The following AGAP1 variants were observed in gnomAD, a reference collection of about 807,000 sequenced individuals.
AGAP1 encodes ArfGAP with GTPase domain, ankyrin repeat and PH domain 1.
Under a neutral mutation model 105.3 loss-of-function variants are expected in AGAP1, and 29 were observed. That is an observed-to-expected ratio of 0.28 (90% CI 0.21 to 0.38). The LOEUF (loss-of-function observed/expected upper bound fraction) is 0.38, where lower values mean the gene tolerates loss of function less well. Ranked by LOEUF, AGAP1 falls within the 10% of genes least tolerant of loss-of-function variation. AGAP1 has a pLI of 1.00. For synonymous variants in AGAP1, 509 were observed against 485.9 expected (o/e 1.05, Z -0.63); for missense variants, 998 against 1,165.1 (o/e 0.86, Z 2.09).
Position 236,040,656 on chromosome 2 carries a change from C to A in AGAP1, c.1801-95C>A. 1.8e-6 allele frequency: 2 copies of A among 1,121,294 alleles called. No homozygotes were observed. The highest frequency in any genetic ancestry group is 2.0e-5 in the Admixed American group (1 of 49,876). 69.5% of individuals were successfully genotyped at this position (1,121,294 alleles called of 1,614,324 possible). A position where few individuals can be genotyped will look rare whatever the true frequency, so the allele number is the denominator to read the frequency against. ...AGAAATTACCCTCGTCCTACATTTG[C>A]TCCCAATCTGTTTGATCTTTCCCTG... On this transcript the variant is annotated intron_variant, in intron 14 of 17. Coordinates refer to ENST00000304032, the MANE Select transcript of AGAP1 (RefSeq NM_001037131.3). This position sits in a 1 kb window ranked among gnomAD's most constrained non-coding sequence, Gnocchi z 5.6.
rs561294585 is a variant in AGAP1, at chr2:235,900,410, C to T, written c.1156-8328C>T. Among the ~76,000 whole-genome samples the T allele has an allele frequency of 2.8e-5, 4 of 142,572 alleles. No homozygotes were observed. In the East Asian group the frequency reaches 8.5e-4, roughly 30 times the overall value. The allele number at this position is 142,572 out of a possible 152,430, so 93.5% of individuals were successfully genotyped here. ...GTTGTGTCTCGGTGGCAGCATTTCT[C>T]CCTCTGGAACTAAGACCCCTAGGCC... On this transcript the variant is annotated intron_variant, in intron 10 of 17. Coordinates refer to ENST00000304032, the MANE Select transcript of AGAP1 (RefSeq NM_001037131.3). The surrounding 1 kb of genome is among the most constrained non-coding windows in gnomAD (Gnocchi z 5.5).
chr2:235,526,636 A>C (rs1942849605), intron 1 of AGAP1, among the ~76,000 whole-genome samples: 1 of 150,184 alleles, frequency 6.7e-6, no homozygotes, highest in Non-Finnish European at 1.5e-5. Flanking sequence ...AAAATTAAAA[A>C]AAGTTTTTAC....
intron 16 of AGAP1, among the ~76,000 whole-genome samples, chr2:236,069,674 T>C (rs531668129): frequency 1.3e-5 from 2 of 152,302 alleles, no homozygotes; most frequent in East Asian, 3.9e-4. Context: ...TCTGCCCACC[T>C]CAGCCTCCCA....
At position 235,729,870 on chromosome 2, in the gene AGAP1, T is replaced by G. The variant is rs1043026556; in HGVS notation, c.311-11093T>G. ...GAGGTTTTTAGTTTCTTTAAAGGGT[T>G]GTAAACATAAAAACAAAGAAGGATA... On this transcript the variant is annotated intron_variant, in intron 3 of 17. Coordinates refer to ENST00000304032, the MANE Select transcript of AGAP1 (RefSeq NM_001037131.3). This position sits in a 1 kb window ranked among gnomAD's most constrained non-coding sequence, Gnocchi z 5.0. 5.3e-5 allele frequency among the ~76,000 whole-genome samples: 8 copies of G among 152,112 alleles called. No homozygotes were observed. Among genetic ancestry groups the G allele is most frequent in the South Asian group, 2.1e-4 (1 of 4,824 alleles).
intron 15 of AGAP1, among the ~76,000 whole-genome samples, chr2:236,047,522 T>C (rs894009653): frequency 2.6e-5 from 4 of 151,356 alleles, no homozygotes; most frequent in Admixed American, 6.6e-5. Context: ...CTGCTTGGGT[T>C]TTTTTCATTT....
At chr2:235,602,365 C>T (rs1945758119) in intron 1 of AGAP1, among the ~76,000 whole-genome samples, 1 of 152,186 alleles carries the variant, frequency 6.6e-6, no homozygotes, top group African/African-American at 2.4e-5. Flanking sequence ...GCCCACAAAA[C>T]CTAAACTATC....
intron 12 of AGAP1, among the ~76,000 whole-genome samples, chr2:235,955,382 C>T (rs538705852): frequency 9.9e-5 from 15 of 152,214 alleles, no homozygotes; most frequent in South Asian, 6.2e-4. Context: ...CCTTACACAC[C>T]GTTGGTGGGA....
intron 9 of AGAP1, among the ~76,000 whole-genome samples, chr2:235,810,833 CTTT>C (rs76910320): frequency 1.2e-4 from 14 of 113,102 alleles, no homozygotes; most frequent in Non-Finnish European, 1.5e-4. Context: ...AATTCGGTTT[CTTT>C]TTTTTTTTTT....
intron 16 of AGAP1, among the ~76,000 whole-genome samples, chr2:236,081,994 G>A (rs928681460): frequency 2.6e-5 from 4 of 152,144 alleles, no homozygotes; most frequent in Non-Finnish European, 5.9e-5. Context: ...TTAGAGACAG[G>A]AAATATAGCA....
In AGAP1 at chr2:235,875,773, C is replaced by A. The variant is rs566340744; in HGVS notation, c.1051-7572C>A. The stretch of plus-strand genomic sequence containing the variant: ...CTACACTTCCCACTGCCCGACAGTA[C>A]GTGCAGTGATTTTGATGGCTGTTTA... On this transcript the variant is annotated intron_variant, in intron 9 of 17. Transcript: ENST00000304032. The surrounding 1 kb of genome is among the most constrained non-coding windows in gnomAD (Gnocchi z 4.0). Among the ~76,000 whole-genome samples, 5 of 152,152 alleles carry A rather than the reference C, an allele frequency of 3.3e-5. No homozygotes were observed. The highest frequency in any genetic ancestry group is 7.3e-5 in the Non-Finnish European group (5 of 68,038).
At chr2:235,773,158 C>T (rs1313065993) in intron 6 of AGAP1, among the ~76,000 whole-genome samples, 1 of 152,182 alleles carries the variant, frequency 6.6e-6, no homozygotes, top group Admixed American at 6.5e-5. Context: ...CATAGGGGCT[C>T]AAGAACCCAG....
intron 6 of AGAP1, among the ~76,000 whole-genome samples, chr2:235,784,659 G>A (rs1259056575): frequency 6.8e-6 from 1 of 147,630 alleles, no homozygotes; most frequent in Admixed American, 6.8e-5. Flanking sequence ...CTCTTCAGTA[G>A]CCATGGCCTA....
chr2:235,715,288 G>A (rs1165609645), intron 2 of AGAP1, among the ~76,000 whole-genome samples: 3 of 152,172 alleles, frequency 2.0e-5, no homozygotes, highest in Admixed American at 6.5e-5. Flanking sequence ...TATGACAAGT[G>A]TACAGATTCG....
chr2:236,116,142 C>T (rs1214263688), intron 16 of AGAP1, among the ~76,000 whole-genome samples: 3 of 146,380 alleles, frequency 2.0e-5, no homozygotes, highest in Non-Finnish European at 4.5e-5. Flanking sequence ...AATGGAGTTT[C>T]ACTCTTGTTA....
At chr2:235,523,149 C>T (rs1942690520) in intron 1 of AGAP1, among the ~76,000 whole-genome samples, 2 of 152,122 alleles carry the variant, frequency 1.3e-5, no homozygotes, top group African/African-American at 2.4e-5. Flanking sequence ...GAGAGAAAGG[C>T]TGGTCTCTTC....
chr2:235,842,295 T>C lies in AGAP1; in HGVS notation c.1050+34964T>C, dbSNP rs1037722138. 6.6e-5 allele frequency among the ~76,000 whole-genome samples: 10 copies of C among 152,246 alleles called. No homozygotes were observed. Among genetic ancestry groups the C allele is most frequent in the Admixed American group, 5.9e-4 (9 of 15,288 alleles). On this transcript the variant is annotated intron_variant, in intron 9 of 17. Coordinates refer to ENST00000304032, the MANE Select transcript of AGAP1 (RefSeq NM_001037131.3). The surrounding 1 kb of genome is among the most constrained non-coding windows in gnomAD (Gnocchi z 5.3). Reference sequence around the variant, plus strand: ...CACTGACTTCGACTGAAAGTTAACGTTTCCTTCAGATATGAATGTAGGCAA... The same window carrying C: ...CACTGACTTCGACTGAAAGTTAACGCTTCCTTCAGATATGAATGTAGGCAA...
chr2:235,503,292 G>T (rs2149006168), intron 1 of AGAP1, among the ~76,000 whole-genome samples: 1 of 152,318 alleles, frequency 6.6e-6, no homozygotes, highest in South Asian at 2.1e-4. Flanking sequence ...TTTCCAGGGA[G>T]GGCGTTTCCG....
chr2:235,683,699 C>CTT (rs1269926439), intron 1 of AGAP1, among the ~76,000 whole-genome samples: 22 of 145,610 alleles, frequency 1.5e-4, no homozygotes, highest in African/African-American at 4.8e-4. Context: ...CTCTCTCTCT[C>CTT]TTTTTTTTTT....
At chr2:235,899,068 A>G (rs2124979546) in intron 10 of AGAP1, among the ~76,000 whole-genome samples, 1 of 152,326 alleles carries the variant, frequency 6.6e-6, no homozygotes. Flanking sequence ...CCTAGGTGGA[A>G]AGTTTAAAAA....
Sources: gnomAD v4.1 joint callset for allele counts (sites outside exome capture counted in the v4.1 genomes callset) on GRCh38, gnomAD v4.1.1 for gene constraint, Gnocchi (gnomAD v3.1) non-coding constraint, MANE v1.5 for transcripts, NCBI Gene and HGNC (gene_info 2026-07-23, HGNC 2026-07-21) for gene names.